CC2D2A: variants seen among roughly 807,000 people sequenced by gnomAD.
CC2D2A encodes the protein coiled-coil and C2 domain-containing protein 2A.
In CC2D2A, 155 loss-of-function variants were observed where a neutral mutation model predicts 212.9. That is an observed-to-expected ratio of 0.73 (90% CI 0.64 to 0.83). The LOEUF (loss-of-function observed/expected upper bound fraction) is 0.83. Among genes scored for constraint, CC2D2A ranks in the 40% least tolerant of loss-of-function variants. The pLI is 0.00. For missense variants in CC2D2A, 1,856 were observed against 1,956.2 expected, an observed-to-expected ratio of 0.95 and a Z score of 0.97; for synonymous variants, 667 against 686.5, an observed-to-expected ratio of 0.97 and a Z score of 0.44.
At chr4:15,490,915 T>C (rs761791494) in intron 4 of CC2D2A, among the ~76,000 whole-genome samples, 52 of 152,092 alleles carry the variant, frequency 3.4e-4, no homozygotes, top group Non-Finnish European at 6.0e-4. Flanking sequence ...CCCAGTCACG[T>C]ACCCCTGCTT....
Position 15,601,332 on chromosome 4 carries a change from T to C in CC2D2A, c.4770T>C (p.Asn1590=). 1 of 1,610,710 alleles carries C rather than the reference T, an allele frequency of 6.2e-7. No individual in the cohort carries two copies. The highest frequency in any genetic ancestry group is 8.5e-7 in the Non-Finnish European group (1 of 1,177,990). Residue 1590 remains asparagine, a synonymous_variant, in exon 37 of 37, where the codon AAT becomes AAC. Coordinates refer to ENST00000424120, the MANE Select transcript of CC2D2A (RefSeq NM_001378615.1). ...GAGTACATAATATTGATGTTCCTAA[T>C]GTTGAATTTGCTTTAGCTGTATACA... is the stretch of plus-strand genomic sequence containing the variant. ...STGVHNIDVP[N]VEFALAVYIH... is the part of the protein sequence containing the mutation.
chr4:15,533,295 G>A lies in CC2D2A; in HGVS notation c.1569G>A (p.Gln523=). The change falls in exon 14 of 37, where the codon CAG becomes CAA. Residue 523 remains glutamine (Q), a synonymous_variant. Coordinates refer to ENST00000424120, the MANE Select transcript of CC2D2A (RefSeq NM_001378615.1). ...AGATGAAATCCCTTCGAGAGTTCCA[G>A]AGATTTACAAATACTCCCTTGAAAC... is the stretch of plus-strand genomic sequence containing the variant. ...WKEMKSLREF[Q]RFTNTPLKLV... 6.3e-7 allele frequency: 1 copy of A among 1,590,896 alleles called. No individual in the cohort carries two copies. Among genetic ancestry groups the A allele is most frequent in the Non-Finnish European group, 8.6e-7 (1 of 1,169,404 alleles).
chr4:15,593,030 T>C (rs2148491406), intron 33 of CC2D2A, among the ~76,000 whole-genome samples: 1 of 152,366 alleles, frequency 6.6e-6, no homozygotes, highest in Non-Finnish European at 1.5e-5. Flanking sequence ...TCCCAGGTCA[T>C]GCCATTATTG....
intron 28 of CC2D2A, among the ~76,000 whole-genome samples, chr4:15,573,801 C>T (rs4279202): frequency 0.089 from 13,522 of 152,208 alleles, 765 homozygotes; most frequent in Non-Finnish European, 0.12. Flanking sequence ...CTCATAACAA[C>T]CCCACAAAGT....
Position 15,557,449 on chromosome 4 carries a change from T to G in CC2D2A, c.2771T>G (p.Phe924Cys). Residue 924 changes from phenylalanine (F) to cysteine (C), a missense_variant, in exon 21 of 37, where the codon TTC (phenylalanine) becomes TGC (cysteine). By Grantham distance (205) the Phe-to-Cys change is radical (BLOSUM62 -2). Around this residue, in one of 5 missense-constraint regions of CC2D2A, gnomAD observed 1,512 missense variants for 1,579.3 expected, o/e 0.96. Coordinates refer to ENST00000424120, the MANE Select transcript of CC2D2A (RefSeq NM_001378615.1). The stretch of plus-strand genomic sequence containing the variant: ...CTTAGAAGCCAAGAGGTGCCAGAAT[T>G]CCGAAATTATAAGCAAGTTCCAGTC... Reference protein sequence around the residue: ...LHLRSQEVPEFRNYKQVPVYD... With the variant: ...LHLRSQEVPECRNYKQVPVYD... 6.2e-7 allele frequency: 1 copy of G among 1,612,940 alleles called. No individual in the cohort carries two copies.
At chr4:15,554,222 G>A (rs1373432545) in intron 19 of CC2D2A, among the ~76,000 whole-genome samples, 2 of 152,188 alleles carry the variant, frequency 1.3e-5, no homozygotes, top group African/African-American at 4.8e-5. Flanking sequence ...ATCTCCTGGG[G>A]AGTAAAGCTT....
intron 6 of CC2D2A, among the ~76,000 whole-genome samples, chr4:15,508,723 G>T (rs1716396103): frequency 6.6e-6 from 1 of 152,190 alleles, no homozygotes; most frequent in African/African-American, 2.4e-5. Flanking sequence ...GAACAGGTAG[G>T]ACTTGGGAAG....
Position 15,584,004 on chromosome 4 carries a change from G to A in CC2D2A, c.3976-2153G>A, listed in dbSNP as rs570665497. On this transcript the variant is annotated intron_variant, in intron 30 of 36. Transcript: ENST00000424120. ...ATTACAAACACTGATGAAAGAAATT[G>A]AGGAAGGCACAAATAAATGGAAAGA... Among the ~76,000 whole-genome samples the A allele has an allele frequency of 1.9e-3, 287 of 151,322 alleles. 1 individual carries two copies. Among genetic ancestry groups the A allele is most frequent in the African/African-American group, 6.5e-3 (269 of 41,304 alleles).
At position 15,589,553 on chromosome 4, in the gene CC2D2A, T is replaced by G; in HGVS notation, c.4188T>G (p.Thr1396=). ...LMGNAIPEGP[T]AYVLTWEQGR... is the part of the protein sequence containing the mutation. The stretch of plus-strand genomic sequence containing the variant: ...TGGCCATCTTCTTTCAGGGTCCAAC[T>G]GCCTATGTGCTAACTTGGGAGCAAG... Residue 1396 remains threonine (T), a synonymous_variant, in exon 33 of 37, where the codon ACT becomes ACG. Coordinates refer to ENST00000424120, the MANE Select transcript of CC2D2A (RefSeq NM_001378615.1). 6.2e-7 allele frequency: 1 copy of G among 1,612,070 alleles called. No individual in the cohort carries two copies. Among genetic ancestry groups the G allele is most frequent in the East Asian group, 2.2e-5 (1 of 44,814 alleles).
chr4:15,596,059 T>C, intron 33 of CC2D2A, 26 bp from the exon 34 acceptor site: 1 of 1,521,014 alleles, frequency 6.6e-7, no homozygotes. Context: ...CTAACATATA[T>C]GCTAATGTAG....
At chr4:15,564,515 A>T (rs1719791323) in intron 24 of CC2D2A, among the ~76,000 whole-genome samples, 1 of 152,208 alleles carries the variant, frequency 6.6e-6, no homozygotes. Flanking sequence ...ACTTCACAAA[A>T]GGGGAAATGG....
chr4:15,563,765 C>A, intron 24 of CC2D2A: 1 of 493,364 alleles, frequency 2.0e-6, no homozygotes, highest in Non-Finnish European at 3.6e-6. Flanking sequence ...AGCTGAATTA[C>A]AAGGGAGACT....
In CC2D2A at chr4:15,559,913, C is replaced by T. The variant is rs545762457; in HGVS notation, c.2923-618C>T. On this transcript the variant is annotated intron_variant, in intron 22 of 36. Transcript: ENST00000424120. ...GTAGTGTGATCTCAGTTCACTCTAA[C>T]GTCCACCTCCCGGGCTCAAGCCATC... is the stretch of plus-strand genomic sequence containing the variant. 7.2e-5 allele frequency among the ~76,000 whole-genome samples: 11 copies of T among 152,220 alleles called. No individual in the cohort carries two copies. In the East Asian group the frequency reaches 2.1e-3, roughly 29 times the overall value.
intron 17 of CC2D2A, 144 bp downstream of exon 17, chr4:15,541,158 A>G (rs1718420506): frequency 8.7e-6 from 2 of 229,044 alleles, no homozygotes; most frequent in Non-Finnish European, 1.6e-5. Context: ...CTGTAAATAC[A>G]AAAAAAAAAA....
intron 22 of CC2D2A, 90 bp downstream of exon 22, chr4:15,559,347 T>A: frequency 1.2e-6 from 1 of 802,586 alleles, no homozygotes; most frequent in Non-Finnish European, 2.0e-6. Flanking sequence ...AATATCTATG[T>A]GAGCTTATGC....
At chr4:15,510,065 T>G in intron 6 of CC2D2A, 74 bp from the exon 7 acceptor site, 1 of 1,124,702 alleles carries the variant, frequency 8.9e-7, no homozygotes, top group East Asian at 2.4e-5. Context: ...GATGGGGGGG[T>G]TAACCTTCAT....
intron 11 of CC2D2A, chr4:15,519,688 T>A (rs1560162752): frequency 4.6e-6 from 2 of 430,814 alleles, no homozygotes; most frequent in Admixed American, 5.1e-5. Context: ...CTAACATGGA[T>A]GGCAGCAGGC....
chr4:15,481,183 C>T (rs1452809760), intron 4 of CC2D2A: 1 of 458,844 alleles, frequency 2.2e-6, no homozygotes, highest in Admixed American at 2.3e-5. Context: ...AGTTCTTGCT[C>T]TGTTCACTCA....
intron 19 of CC2D2A, among the ~76,000 whole-genome samples, chr4:15,554,134 C>T (rs1005281628): frequency 6.6e-6 from 1 of 152,204 alleles, no homozygotes; most frequent in African/African-American, 2.4e-5. Flanking sequence ...AGTCAGAAGC[C>T]ACTTCCAGTG....
Sources: gnomAD v4.1 joint callset for allele counts (sites outside exome capture counted in the v4.1 genomes callset) on GRCh38, gnomAD v4.1.1 for gene constraint, gnomAD v4.1.1 regional missense constraint, MANE v1.5 for transcripts, NCBI Gene and HGNC (gene_info 2026-07-23, HGNC 2026-07-21) for gene names.